WBP1L: variants seen among roughly 807,000 people sequenced by gnomAD.
WBP1L encodes the protein WW domain binding protein 1-like.
Under a neutral mutation model 33.7 loss-of-function variants are expected in WBP1L, and 17 were observed. The ratio of observed to expected loss-of-function variants is 0.50; its 90% CI spans 0.34 to 0.76. WBP1L has a LOEUF of 0.76. Among genes scored for constraint, WBP1L ranks in the 30% least tolerant of loss-of-function variants. WBP1L has a pLI of 0.01. For missense variants in WBP1L, 389 were observed against 469.4 expected, an observed-to-expected ratio of 0.83 and a Z score of 1.58; for synonymous variants, 173 against 190.8, an observed-to-expected ratio of 0.91 and a Z score of 0.77.
At chr10:102,747,364 A>G (rs1452366026) in intron 1 of WBP1L, among the ~76,000 whole-genome samples, 1 of 151,558 alleles carries the variant, frequency 6.6e-6, no homozygotes, top group Admixed American at 6.6e-5. Flanking sequence ...GTCTCAAAAA[A>G]AAAAAAAAAA....
intron 1 of WBP1L, among the ~76,000 whole-genome samples, chr10:102,751,403 C>T (rs544229118): frequency 6.6e-6 from 1 of 151,866 alleles, no homozygotes; most frequent in South Asian, 2.1e-4. Flanking sequence ...CTGCAATCTC[C>T]ACCTCAAGCA....
intron 1 of WBP1L, among the ~76,000 whole-genome samples, chr10:102,787,711 CCTT>C (rs1223482492): frequency 1.3e-5 from 2 of 152,176 alleles, no homozygotes; most frequent in South Asian, 2.1e-4. Flanking sequence ...TCTGTACTCT[CCTT>C]CTACCCAATT....
rs531664184 is a variant in WBP1L, at chr10:102,806,043, AT to A, written c.194-3849del. On this transcript the variant is annotated intron_variant, in intron 2 of 3. Transcript: ENST00000448841. ...TGGTGAAACCCTGTCTCTACTAAAA[AT>A]ACAAAAAAAAAAAAACCAATTAGAT... is the stretch of plus-strand genomic sequence containing the variant. Among the ~76,000 whole-genome samples the A allele has an allele frequency of 3.5e-5, 5 of 140,968 alleles. No homozygotes were observed. In the South Asian group the frequency reaches 1.2e-3, roughly 33 times the overall value. The allele number at this position is 140,968 out of a possible 152,430, so 92.5% of individuals were successfully genotyped here.
At chr10:102,752,576 C>G (rs1402841167) in intron 1 of WBP1L, among the ~76,000 whole-genome samples, 2 of 152,124 alleles carry the variant, frequency 1.3e-5, no homozygotes, top group Non-Finnish European at 2.9e-5. Context: ...TTGATCTGCT[C>G]TGTGGTTTTA....
At chr10:102,810,479 TTCCTTCCTTCCC>T (rs1444038164) in intron 3 of WBP1L, among the ~76,000 whole-genome samples, 2 of 50,076 alleles carry the variant, frequency 4.0e-5, no homozygotes, top group African/African-American at 1.2e-4. Flanking sequence ...CCTTCCCTCC[TTCCTTCCTTCCC>T]TCCTTCCTTC....
intron 1 of WBP1L, among the ~76,000 whole-genome samples, chr10:102,789,888 G>A (rs560902627): frequency 3.3e-5 from 5 of 151,592 alleles, no homozygotes; most frequent in South Asian, 2.1e-4. Flanking sequence ...GACTACAGGC[G>A]CCCGCCACCA....
chr10:102,782,144 A>G (rs1214744976), intron 1 of WBP1L, among the ~76,000 whole-genome samples: 3 of 148,976 alleles, frequency 2.0e-5, no homozygotes, highest in Non-Finnish European at 4.4e-5. Context: ...CTGGGATTAC[A>G]GGTGTGAGCA....
At chr10:102,748,951 G>A (rs1221223791) in intron 1 of WBP1L, among the ~76,000 whole-genome samples, 1 of 152,222 alleles carries the variant, frequency 6.6e-6, no homozygotes, top group African/African-American at 2.4e-5. Flanking sequence ...GAATGAAAAT[G>A]GAGAGTGTGT....
intron 1 of WBP1L, among the ~76,000 whole-genome samples, chr10:102,758,835 A>AG (rs1462292310): frequency 6.6e-6 from 1 of 152,178 alleles, no homozygotes; most frequent in African/African-American, 2.4e-5. Context: ...CTTACAGGAT[A>AG]GGGGGCCCTT....
intron 1 of WBP1L, among the ~76,000 whole-genome samples, chr10:102,797,365 G>A (rs529433034): frequency 2.6e-5 from 4 of 152,224 alleles, no homozygotes; most frequent in African/African-American, 7.2e-5. Flanking sequence ...GGTTAGCACC[G>A]GAACATGAAA....
intron 1 of WBP1L, among the ~76,000 whole-genome samples, chr10:102,795,895 G>A (rs1186155510): frequency 2.6e-5 from 4 of 152,174 alleles, no homozygotes; most frequent in Non-Finnish European, 5.9e-5. Flanking sequence ...TTTTCCACAC[G>A]CACCAGGCTT....
chr10:102,772,864 C>G (rs1843210122), intron 1 of WBP1L, among the ~76,000 whole-genome samples: 7 of 151,910 alleles, frequency 4.6e-5, no homozygotes, highest in Admixed American at 3.9e-4. Context: ...GCCATGGTGC[C>G]CAGCCAACCT....
chr10:102,745,794 C>T (rs969308523), intron 1 of WBP1L, among the ~76,000 whole-genome samples: 4 of 152,274 alleles, frequency 2.6e-5, no homozygotes, highest in East Asian at 3.9e-4. Context: ...ATTCCCTTTT[C>T]GAGGGTTGGG....
At chr10:102,784,871 T>C (rs374495021) in intron 1 of WBP1L, among the ~76,000 whole-genome samples, 2 of 61,666 alleles carry the variant, frequency 3.2e-5, no homozygotes, top group Non-Finnish European at 4.8e-5. Flanking sequence ...CACTTTTTTT[T>C]CTTTTTTTTT....
rs1843885557 is a variant in WBP1L at position 102,813,700 on chromosome 10, G to A, written c.*369G>A. ...GTGCCCTGACATGATTCTTGGTGAT[G>A]GAATAGGTTTGTGCTCTGATTCTAG... On this transcript the variant is annotated 3_prime_UTR_variant, in exon 4 of 4. Coordinates refer to ENST00000448841, the MANE Select transcript of WBP1L (RefSeq NM_001083913.2). 1 of 228,962 alleles carries A rather than the reference G, an allele frequency of 4.4e-6. No homozygotes were observed. The allele number at this position is 228,962 out of a possible 1,614,324, so 14.2% of individuals were successfully genotyped here.
chr10:102,770,610 G>A (rs1036174122), intron 1 of WBP1L, among the ~76,000 whole-genome samples: 2 of 151,424 alleles, frequency 1.3e-5, no homozygotes, highest in African/African-American at 4.9e-5. Flanking sequence ...CCTTGTGTGT[G>A]GATCTGTTGT....
chr10:102,805,848 C>T (rs1408990620), intron 2 of WBP1L, among the ~76,000 whole-genome samples: 2 of 151,494 alleles, frequency 1.3e-5, no homozygotes, highest in African/African-American at 2.4e-5. Context: ...CAGTGAGCTG[C>T]GTTCACACCA....
intron 1 of WBP1L, chr10:102,776,163 C>T (rs1843258538): frequency 2.8e-6 from 4 of 1,419,882 alleles, no homozygotes; most frequent in Admixed American, 5.4e-5. Context: ...AGATATGTCA[C>T]GAGAAGGTGG....
Position 102,814,090 on chromosome 10 carries a change from G to A in WBP1L, c.*759G>A, listed in dbSNP as rs532755338. The A allele has an allele frequency of 3.9e-5, 6 of 152,330 alleles. No individual in the cohort carries two copies. The South Asian group carries it at 1.2e-3, about 32-fold the overall frequency. 9.4% of individuals were successfully genotyped at this position (152,330 alleles called of 1,614,324 possible). On this transcript the variant is annotated 3_prime_UTR_variant, in exon 4 of 4. Coordinates refer to ENST00000448841, the MANE Select transcript of WBP1L (RefSeq NM_001083913.2). ...AACAGCAAAAGACAGCTGAAAACAA[G>A]AACTTCACCGGTGGGCAGGCAAGAA...
Sources: gnomAD v4.1 joint callset for allele counts (sites outside exome capture counted in the v4.1 genomes callset) on GRCh38, gnomAD v4.1.1 for gene constraint, MANE v1.5 for transcripts, NCBI Gene and HGNC (gene_info 2026-07-23, HGNC 2026-07-21) for gene names.